RPL28: variants seen among roughly 807,000 people sequenced by gnomAD.
RPL28 encodes large ribosomal subunit protein eL28.
In RPL28, 4 loss-of-function variants were observed where a neutral mutation model predicts 12.5. That is an observed-to-expected ratio of 0.32 (90% confidence interval 0.16 to 0.73). The LOEUF (loss-of-function observed/expected upper bound fraction) is 0.73. RPL28 is among the 30% of genes least tolerant of loss of function. The probability of loss-of-function intolerance (pLI) is 0.66; values close to 1 mark genes in which losing one functional copy is unlikely to be tolerated. For missense variants in RPL28, 214 were observed against 197.7 expected, an observed-to-expected ratio of 1.08 and a Z score of -0.49; for synonymous variants, 91 against 72.5, an observed-to-expected ratio of 1.26 and a Z score of -1.30.
At chr19:55,400,656 A>C (rs563410077) in intron 4 of RPL28, 3 of 152,264 alleles carry the variant, frequency 2.0e-5, no homozygotes, top group Non-Finnish European at 4.4e-5. Context: ...GAGGACCCAG[A>C]CTAAGGAACA....
intron 4 of RPL28, among the ~76,000 whole-genome samples, chr19:55,399,163 TTTC>T (rs1438491926): frequency 2.4e-5 from 3 of 123,616 alleles, no homozygotes; most frequent in Non-Finnish European, 4.9e-5. Flanking sequence ...ATTTTTTTCT[TTTC>T]TTTTCTTTTC....
intron 4 of RPL28, chr19:55,401,811 C>T: frequency 6.3e-7 from 1 of 1,599,394 alleles, no homozygotes; most frequent in Non-Finnish European, 8.5e-7. Context: ...CCTACAGGGA[C>T]CCCCAGGCCT....
chr19:55,396,385 G>C (rs58464092), downstream of RPL28, among the ~76,000 whole-genome samples: 12,576 of 150,520 alleles, frequency 0.084, 670 homozygotes, highest in African/African-American at 0.15. Flanking sequence ...CCAATACCCA[G>C]GTCAGGAAAT....
chr19:55,387,303 C>T, intron 3 of RPL28: 1 of 1,551,632 alleles, frequency 6.4e-7, no homozygotes, highest in Non-Finnish European at 8.7e-7. Flanking sequence ...TTTCTCAGGT[C>T]CTTGATTGGA....
At position 55,390,163 on chromosome 19, in the gene RPL28, G is replaced by A. The variant is rs753818848; in HGVS notation, c.*1831G>A. 1 of 985,330 alleles carries A rather than the reference G, an allele frequency of 1.0e-6. No individual in the cohort carries two copies. The allele number at this position is 985,330 out of a possible 1,614,324, so 61.0% of individuals were successfully genotyped here. A position where few individuals can be genotyped will look rare whatever the true frequency, so the allele number is the denominator to read the frequency against. On this transcript the variant is annotated 3_prime_UTR_variant, in exon 5 of 5. Coordinates refer to ENST00000344063, the MANE Select transcript of RPL28 (RefSeq NM_000991.5). ...TATAATGAGATGCTTGATGAATGGTGCATATTGAATGTATAAAGCCCACCG... is the reference window on the plus strand; with the variant it reads ...TATAATGAGATGCTTGATGAATGGTACATATTGAATGTATAAAGCCCACCG...
rs2089926535 is a variant in RPL28 at position 55,386,461 on chromosome 19, G to C, written c.81+23G>C. ...ACTGTAAGTGGGGCCCGGATGCGTG[G>C]CTCCTGCGGGAGGAGGGTCCTGAGT... On this transcript the variant is annotated intron_variant, in intron 2 of 4. Transcript: ENST00000344063. 5 of 1,612,542 alleles carry C rather than the reference G, an allele frequency of 3.1e-6. No homozygotes were observed. In the East Asian group the frequency reaches 1.1e-4, roughly 36 times the overall value.
downstream of RPL28, among the ~76,000 whole-genome samples, chr19:55,396,477 T>C (rs1433354244): frequency 2.3e-4 from 3 of 12,874 alleles, no homozygotes; most frequent in Admixed American, 9.5e-4. Flanking sequence ...AGGAAAGTTC[T>C]CCCCCCTCCC....
downstream of RPL28, among the ~76,000 whole-genome samples, chr19:55,393,029 C>T (rs1007440503): frequency 6.6e-6 from 1 of 152,042 alleles, no homozygotes; most frequent in Non-Finnish European, 1.5e-5. Flanking sequence ...AGAGGCTCCC[C>T]AGCACCCCTC....
chr19:55,391,395 TC>T lies in RPL28; in HGVS notation c.*3064del. 1 of 1,279,460 alleles carries T rather than the reference TC, an allele frequency of 7.8e-7. No individual in the cohort carries two copies. The highest frequency in any genetic ancestry group is 2.9e-5 in the South Asian group (1 of 34,884). The allele number at this position is 1,279,460 out of a possible 1,614,324, so 79.3% of individuals were successfully genotyped here. On this transcript the variant is annotated 3_prime_UTR_variant, in exon 5 of 5. Coordinates refer to ENST00000344063, the MANE Select transcript of RPL28 (RefSeq NM_000991.5). ...CTGCATAAGGCAGGTGTCTCAGTGT[TC>T]ACTGCTGTCTCTCCAGCTCTTAGTC...
At chr19:55,393,631 GTTTTT>G (rs890657595), downstream of RPL28, among the ~76,000 whole-genome samples, 1 of 114,622 alleles carries the variant, frequency 8.7e-6, no homozygotes, top group Non-Finnish European at 1.8e-5. Flanking sequence ...TCACCAATTT[GTTTTT>G]TTTTTTTTTT....
downstream of RPL28, among the ~76,000 whole-genome samples, chr19:55,396,781 C>A (rs184180610): frequency 7.5e-3 from 1,122 of 149,530 alleles, 19 homozygotes; most frequent in African/African-American, 0.026. Context: ...AGGGTTTCAC[C>A]GTGTTAGCCA....
In RPL28 at chr19:55,388,018, C is replaced by T; in HGVS notation, c.294C>T (p.Arg98=). 6.2e-7 allele frequency: 1 copy of T among 1,613,754 alleles called. No individual in the cohort carries two copies. Among genetic ancestry groups the T allele is most frequent in the Non-Finnish European group, 8.5e-7 (1 of 1,179,880 alleles). Residue 98 remains arginine (R), a synonymous_variant, in exon 4 of 5, where the codon CGC becomes CGT. Coordinates refer to ENST00000344063, the MANE Select transcript of RPL28 (RefSeq NM_000991.5). ...TCAGCAGCATCAGACACATGATCCGCAAGAACAAGTACCGCCCCGACCTGC... is the reference window on the plus strand; with the variant it reads ...TCAGCAGCATCAGACACATGATCCGTAAGAACAAGTACCGCCCCGACCTGC... The part of the protein sequence containing the change: ...ATLSSIRHMI[R]KNKYRPDLRM...
Position 55,387,754 on chromosome 19 carries a change from G to A in RPL28, c.206-176G>A, listed in dbSNP as rs1198784606. The A allele has an allele frequency of 2.2e-5, 32 of 1,455,218 alleles. No homozygotes were observed. The East Asian group carries it at 5.0e-4, about 23-fold the overall frequency. The allele number at this position is 1,455,218 out of a possible 1,614,324, so 90.1% of individuals were successfully genotyped here. A position where few individuals can be genotyped will look rare whatever the true frequency, so the allele number is the denominator to read the frequency against. ...TGTGTCCTCAGTACTCCGTGATGACGAGTGAGCCTCTGTGAAATGGACAGG... is the reference window on the plus strand; with the variant it reads ...TGTGTCCTCAGTACTCCGTGATGACAAGTGAGCCTCTGTGAAATGGACAGG... On this transcript the variant is annotated intron_variant, in intron 3 of 4. Transcript: ENST00000344063.
rs1041843382 is a variant in RPL28 at position 55,387,701 on chromosome 19, A to G, written c.206-229A>G. The G allele has an allele frequency of 1.4e-5, 20 of 1,401,438 alleles. No homozygotes were observed. The African/African-American group carries it at 2.2e-4, about 15-fold the overall frequency. 86.8% of individuals were successfully genotyped at this position (1,401,438 alleles called of 1,614,324 possible). A position where few individuals can be genotyped will look rare whatever the true frequency, so the allele number is the denominator to read the frequency against. ...AGAAAGGAGTGTTTTCATGGTGGAC[A>G]GAATTGGGCTATGAGTGTGGCAGAA... On this transcript the variant is annotated intron_variant, in intron 3 of 4. Transcript: ENST00000344063.
downstream of RPL28, among the ~76,000 whole-genome samples, chr19:55,392,480 G>T (rs1161138854): frequency 6.6e-6 from 1 of 151,794 alleles, no homozygotes; most frequent in Non-Finnish European, 1.5e-5. Flanking sequence ...CAATCCTCCT[G>T]ACTTCGTCCC....
Position 55,389,548 on chromosome 19 carries a change from A to G in RPL28, c.*1216A>G. On this transcript the variant is annotated 3_prime_UTR_variant, in exon 5 of 5. Transcript: ENST00000344063. ...ACCACCCCCGGCTCTGACTGAGAGT[A>G]AGGGGACTGTCAGGGCCTCGACTTG... 1.0e-6 allele frequency: 1 copy of G among 985,366 alleles called. No homozygotes were observed. The highest frequency in any genetic ancestry group is 4.7e-5 in the South Asian group (1 of 21,282). The allele number at this position is 985,366 out of a possible 1,614,324, so 61.0% of individuals were successfully genotyped here.
At position 55,385,948 on chromosome 19, in the gene RPL28, T is replaced by G. The variant is rs2089917719; in HGVS notation, c.-26T>G. On this transcript the variant is annotated 5_prime_UTR_variant, in exon 1 of 5. Coordinates refer to ENST00000344063, the MANE Select transcript of RPL28 (RefSeq NM_000991.5). ...CTCGCCTTCCTCTTTCCGTCTCAGG[T>G]CGCCGCTGCGAAGGGAGGTGAGCGT... 4.2e-6 allele frequency: 1 copy of G among 237,938 alleles called. No homozygotes were observed. Among genetic ancestry groups the G allele is most frequent in the Non-Finnish European group, 8.7e-6 (1 of 115,148 alleles). The allele number at this position is 237,938 out of a possible 1,614,324, so 14.7% of individuals were successfully genotyped here.
Position 55,392,021 on chromosome 19 carries a change from G to A in RPL28, c.*3689G>A. Reference sequence around the variant, plus strand: ...GCCCAGGCTGTTTGGCGCTGCCCAGGAATGGTATCAATTCCCCTGTTTCTC... The same window carrying A: ...GCCCAGGCTGTTTGGCGCTGCCCAGAAATGGTATCAATTCCCCTGTTTCTC... On this transcript the variant is annotated 3_prime_UTR_variant, in exon 5 of 5. Coordinates refer to ENST00000344063, the MANE Select transcript of RPL28 (RefSeq NM_000991.5). 1 of 1,085,914 alleles carries A rather than the reference G, an allele frequency of 9.2e-7. No individual in the cohort carries two copies. Among genetic ancestry groups the A allele is most frequent in the Non-Finnish European group, 1.1e-6 (1 of 894,308 alleles). The allele number at this position is 1,085,914 out of a possible 1,614,324, so 67.3% of individuals were successfully genotyped here. A position where few individuals can be genotyped will look rare whatever the true frequency, so the allele number is the denominator to read the frequency against.
Position 55,386,394 on chromosome 19 carries a change from T to G in RPL28, c.37T>G (p.Cys13Gly), listed in dbSNP as rs781629467. Residue 13 changes from cysteine to glycine, a missense_variant, in exon 2 of 5, where the codon TGC (cysteine) becomes GGC (glycine). Coordinates refer to ENST00000344063, the MANE Select transcript of RPL28 (RefSeq NM_000991.5). ...AHLQWMVVRNCSSFLIKRNKQ... is the reference protein window; with the variant it reads ...AHLQWMVVRNGSSFLIKRNKQ... ...TCTGCAATGGATGGTCGTGCGGAAC[T>G]GCTCCAGTTTCCTGATCAAGAGGAA... The G allele has an allele frequency of 3.7e-6, 6 of 1,614,070 alleles. No homozygotes were observed. In the Admixed American group the frequency reaches 5.0e-5, roughly 13 times the overall value.
Sources: gnomAD v4.1 joint callset for allele counts (sites outside exome capture counted in the v4.1 genomes callset) on GRCh38, gnomAD v4.1.1 for gene constraint, MANE v1.5 for transcripts, NCBI Gene and HGNC (gene_info 2026-07-23, HGNC 2026-07-21) for gene names.